Variants in ZKSCAN7 observed in about 807,000 individuals in gnomAD.
ZKSCAN7 encodes zinc finger protein with KRAB and SCAN domains 7.
Under a neutral mutation model 65.3 loss-of-function variants are expected in ZKSCAN7, and 38 were observed. The ratio of observed to expected loss-of-function variants is 0.58; its 90% CI spans 0.45 to 0.76. The LOEUF (loss-of-function observed/expected upper bound fraction) is 0.76. ZKSCAN7 is among the 30% of genes least tolerant of loss of function. ZKSCAN7 has a pLI of 0.00. For synonymous variants in ZKSCAN7, 321 were observed against 321.0 expected (o/e 1.00, Z 0.00); for missense variants, 815 against 913.3 (o/e 0.89, Z 1.39).
At chr3:44,576,236 T>G (rs1017566291), downstream of ZKSCAN7, among the ~76,000 whole-genome samples, 2 of 152,204 alleles carry the variant, frequency 1.3e-5, no homozygotes, top group Non-Finnish European at 2.9e-5. Flanking sequence ...TCTTTTCCTC[T>G]GTTCTGTATA....
chr3:44,576,628 T>G (rs1333861982), downstream of ZKSCAN7, among the ~76,000 whole-genome samples: 1 of 152,246 alleles, frequency 6.6e-6, no homozygotes, highest in African/African-American at 2.4e-5. Flanking sequence ...GTCCTGATAT[T>G]TGTCTGCAGA....
chr3:44,582,443 C>A (rs1700107925), intron 5 of ZKSCAN7, among the ~76,000 whole-genome samples: 1 of 152,158 alleles, frequency 6.6e-6, no homozygotes, highest in South Asian at 2.1e-4. Flanking sequence ...ATGGCCTAGT[C>A]CACAAACTTA....
intron 5 of ZKSCAN7, among the ~76,000 whole-genome samples, chr3:44,577,963 C>A (rs1476753219): frequency 6.6e-6 from 1 of 152,238 alleles, no homozygotes; most frequent in Non-Finnish European, 1.5e-5. Context: ...TTCAACCGTT[C>A]TTGCACCGTC....
chr3:44,572,779 G>C (rs921388206), downstream of ZKSCAN7, among the ~76,000 whole-genome samples: 2 of 145,762 alleles, frequency 1.4e-5, no homozygotes, highest in Non-Finnish European at 3.0e-5. Flanking sequence ...GATCCTGGGA[G>C]GCAGAGCTTG....
At chr3:44,580,527 G>C (rs760740336) in intron 5 of ZKSCAN7, 1 of 1,612,804 alleles carries the variant, frequency 6.2e-7, no homozygotes, top group East Asian at 2.2e-5. Context: ...AGGCTCCTGC[G>C]GTGTGGGGGG....
chr3:44,557,146 C>G lies in ZKSCAN7; in HGVS notation c.99C>G (p.Asn33Lys). 6.2e-7 allele frequency: 1 copy of G among 1,614,270 alleles called. No individual in the cohort carries two copies. Among genetic ancestry groups the G allele is most frequent in the Non-Finnish European group, 8.5e-7 (1 of 1,180,038 alleles). The change falls in exon 2 of 6, where the codon AAC (asparagine) becomes AAG (lysine). Residue 33 changes from asparagine to lysine, a missense_variant. Coordinates refer to ENST00000426540, the MANE Select transcript of ZKSCAN7 (RefSeq NM_001288590.2). Reference sequence around the variant, plus strand: ...TGACTGTGAAGCAGGAGCCAGCAAACCAGACCTGGGGGCAGGGCAGCAGTC... The same window carrying G: ...TGACTGTGAAGCAGGAGCCAGCAAAGCAGACCTGGGGGCAGGGCAGCAGTC... ...GRLTVKQEPA[N>K]QTWGQGSSLQ...
chr3:44,558,771 C>T (rs910686300), intron 2 of ZKSCAN7, among the ~76,000 whole-genome samples: 9 of 138,008 alleles, frequency 6.5e-5, no homozygotes, highest in African/African-American at 2.2e-4. Flanking sequence ...CTGCTTTCTC[C>T]TTTCTTCTTC....
intron 5 of ZKSCAN7, chr3:44,581,067 T>G: frequency 1.5e-6 from 2 of 1,310,672 alleles, no homozygotes; most frequent in Non-Finnish European, 2.0e-6. Context: ...CCGGCCGGCC[T>G]GGCGCTCCCG....
chr3:44,580,943 G>A (rs976566590), intron 5 of ZKSCAN7: 1 of 1,612,512 alleles, frequency 6.2e-7, no homozygotes. Context: ...GCGACTCGCG[G>A]GGCTGGAAGC....
In ZKSCAN7 at chr3:44,571,558, G is replaced by T; in HGVS notation, c.*183G>T. 1 of 1,475,786 alleles carries T rather than the reference G, an allele frequency of 6.8e-7. No individual in the cohort carries two copies. The highest frequency in any genetic ancestry group is 8.9e-7 in the Non-Finnish European group (1 of 1,118,362). The allele number at this position is 1,475,786 out of a possible 1,614,324, so 91.4% of individuals were successfully genotyped here. On this transcript the variant is annotated 3_prime_UTR_variant, in exon 6 of 6. Transcript: ENST00000426540. ...TCCAGTTCTTACCCATTATTAGGAA[G>T]GTAAGGACTACACATGTCATTGAAT... is the stretch of plus-strand genomic sequence containing the variant.
Position 44,557,191 on chromosome 3 carries a change from T to A in ZKSCAN7, c.144T>A (p.Pro48=), listed in dbSNP as rs377335719. 5 of 1,614,146 alleles carry A rather than the reference T, an allele frequency of 3.1e-6. No individual in the cohort carries two copies. In the African/African-American group the frequency reaches 5.3e-5, roughly 17 times the overall value. ...GCAGTCTCCAGAAGAACTATCCTCC[T>A]GTCTGCGAAATCTTCCGGCTACACT... The part of the protein sequence containing the change: ...QGSSLQKNYP[P]VCEIFRLHFR... Residue 48 remains proline (P), a synonymous_variant, in exon 2 of 6, where the codon CCT becomes CCA. Transcript: ENST00000426540.
At position 44,571,123 on chromosome 3, in the gene ZKSCAN7, A is replaced by G. The variant is rs763563472; in HGVS notation, c.2013A>G (p.Val671=). 6.2e-7 allele frequency: 1 copy of G among 1,614,002 alleles called. No individual in the cohort carries two copies. Among genetic ancestry groups the G allele is most frequent in the Admixed American group, 1.7e-5 (1 of 60,002 alleles). ...ATGAATGTAATGAGTGTGGGAAGGT[A>G]TTCAGTTATAGCTCCAGCCTTATGG... is the stretch of plus-strand genomic sequence containing the variant. ...KPYECNECGK[V]FSYSSSLMVH... The change falls in exon 6 of 6, where the codon GTA becomes GTG. Residue 671 remains valine, a synonymous_variant. Coordinates refer to ENST00000426540, the MANE Select transcript of ZKSCAN7 (RefSeq NM_001288590.2).
In ZKSCAN7 at chr3:44,568,372, C is replaced by T; in HGVS notation, c.750C>T (p.Leu250=). The change falls in exon 5 of 6, where the codon CTC becomes CTT. Residue 250 remains leucine (L), a synonymous_variant. Transcript: ENST00000426540. The part of the protein sequence containing the change: ...YTQKKWKSLT[L]SQRALQWNMM... ...AGAAGAAATGGAAAAGTCTCACACT[C>T]AGTCAGAGAGCCCTGCAGTGGAACA... The T allele has an allele frequency of 6.2e-7, 1 of 1,613,728 alleles. No individual in the cohort carries two copies. The highest frequency in any genetic ancestry group is 8.5e-7 in the Non-Finnish European group (1 of 1,179,578).
In ZKSCAN7 at chr3:44,555,196, T is replaced by C. The variant is rs941725193; in HGVS notation, c.-404T>C. ...GGCGGAAGTCGAGGCCTCTCTCGCT[T>C]CCGGCTCGGCCATTGTTTTTGGTCT... On this transcript the variant is annotated 5_prime_UTR_variant, in exon 1 of 6. Transcript: ENST00000426540. The C allele has an allele frequency of 1.3e-5, 2 of 152,226 alleles. No homozygotes were observed. The allele number at this position is 152,226 out of a possible 1,614,324, so 9.4% of individuals were successfully genotyped here. A position where few individuals can be genotyped will look rare whatever the true frequency, so the allele number is the denominator to read the frequency against.
At chr3:44,567,093 T>C (rs372557260) in intron 3 of ZKSCAN7, among the ~76,000 whole-genome samples, 9 of 142,268 alleles carry the variant, frequency 6.3e-5, no homozygotes, top group Admixed American at 3.6e-4. Context: ...TGCAGCAGAG[T>C]GAGACTCTGT....
At chr3:44,569,079 C>A (rs1437358900) in intron 5 of ZKSCAN7, among the ~76,000 whole-genome samples, 1 of 152,224 alleles carries the variant, frequency 6.6e-6, no homozygotes, top group African/African-American at 2.4e-5. Flanking sequence ...TCCAAATTTC[C>A]TCAGAGATGG....
chr3:44,577,864 G>A (rs149232250), intron 5 of ZKSCAN7, among the ~76,000 whole-genome samples: 3 of 152,266 alleles, frequency 2.0e-5, no homozygotes, highest in African/African-American at 7.2e-5. Context: ...AGCAGCGCTC[G>A]GGGTGTGCTG....
rs773846240 is a variant in ZKSCAN7 at position 44,570,647 on chromosome 3, C to T, written c.1537C>T (p.His513Tyr). Residue 513 changes from histidine to tyrosine, a missense_variant, in exon 6 of 6, where the codon CAT (histidine) becomes TAT (tyrosine). Transcript: ENST00000426540. ...CATTCGAAGCAAAAGTCTTGCTCGA[C>T]ATCAGGTCCTGCACACTGGTAAGAA... Reference protein sequence around the residue: ...AFIRSKSLARHQVLHTGKKPY... With the variant: ...AFIRSKSLARYQVLHTGKKPY... The T allele has an allele frequency of 1.2e-6, 2 of 1,614,066 alleles. No individual in the cohort carries two copies. The highest frequency in any genetic ancestry group is 1.7e-4 in the Middle Eastern group (1 of 6,060).
rs564379195 is a variant in ZKSCAN7, at chr3:44,568,076, C to T, written c.684+73C>T. On this transcript the variant is annotated intron_variant, in intron 4 of 5. Coordinates refer to ENST00000426540, the MANE Select transcript of ZKSCAN7 (RefSeq NM_001288590.2). The stretch of plus-strand genomic sequence containing the variant: ...CAAGAATGGCTAGAGGTCTCACCCC[C>T]AGGACTCTGCCCCATCTAAGACTAT... The T allele has an allele frequency of 4.4e-6, 5 of 1,128,000 alleles. No homozygotes were observed. The South Asian group carries it at 4.5e-5, about 10-fold the overall frequency. The allele number at this position is 1,128,000 out of a possible 1,614,324, so 69.9% of individuals were successfully genotyped here. A position where few individuals can be genotyped will look rare whatever the true frequency, so the allele number is the denominator to read the frequency against.
Sources: allele counts gnomAD v4.1 joint callset (sites outside exome capture counted in the v4.1 genomes callset), GRCh38; gene constraint gnomAD v4.1.1; transcripts MANE v1.5; gene names NCBI Gene and HGNC (gene_info 2026-07-23, HGNC 2026-07-21).